PLD5: variants seen among roughly 807,000 people sequenced by gnomAD.
PLD5 encodes the protein inactive phospholipase D5.
Under a neutral mutation model 61.1 loss-of-function variants are expected in PLD5, and 36 were observed. The observed-to-expected ratio is 0.59, with a 90% CI of 0.45 to 0.78. PLD5 has a LOEUF of 0.78. Among genes scored for constraint, PLD5 ranks in the 30% least tolerant of loss-of-function variants. PLD5 has a pLI of 0.00. For synonymous variants in PLD5, 243 were observed against 242.8 expected, an observed-to-expected ratio of 1.00 and a Z score of -0.01; for missense variants, 515 against 644.4, an observed-to-expected ratio of 0.80 and a Z score of 2.17.
intron 5 of PLD5, among the ~76,000 whole-genome samples, chr1:242,183,586 G>A (rs1169612286): frequency 6.6e-6 from 1 of 152,094 alleles, no homozygotes; most frequent in African/African-American, 2.4e-5. Flanking sequence ...ATTGTTTCAT[G>A]ACATCCCTAA....
intron 2 of PLD5, among the ~76,000 whole-genome samples, chr1:242,307,252 G>A (rs1219821799): frequency 6.6e-6 from 1 of 152,030 alleles, no homozygotes; most frequent in Non-Finnish European, 1.5e-5. Context: ...TGAAATCAAG[G>A]GATGGTCAAA....
At chr1:242,145,910 A>C (rs1664512909) in intron 5 of PLD5, among the ~76,000 whole-genome samples, 1 of 152,238 alleles carries the variant, frequency 6.6e-6, no homozygotes, top group African/African-American at 2.4e-5. Flanking sequence ...TCCTGGCCTC[A>C]AGTGATCCAC....
At chr1:242,421,617 C>A (rs923646409) in intron 1 of PLD5, among the ~76,000 whole-genome samples, 1 of 152,146 alleles carries the variant, frequency 6.6e-6, no homozygotes, top group Non-Finnish European at 1.5e-5. Context: ...CCCTGGAATC[C>A]TATATCAACG....
At chr1:242,299,686 T>C (rs1467803768) in intron 2 of PLD5, among the ~76,000 whole-genome samples, 3 of 152,228 alleles carry the variant, frequency 2.0e-5, no homozygotes, top group African/African-American at 7.2e-5. Context: ...GCTAGCAGAG[T>C]TGCTTTCTGT....
chr1:242,199,997 G>T (rs1421899114), intron 5 of PLD5, among the ~76,000 whole-genome samples: 1 of 152,096 alleles, frequency 6.6e-6, no homozygotes, highest in Admixed American at 6.5e-5. Flanking sequence ...GATGCAAATT[G>T]CCCAGAGCTA....
At chr1:242,406,596 T>C (rs1023838015) in intron 1 of PLD5, among the ~76,000 whole-genome samples, 1 of 152,222 alleles carries the variant, frequency 6.6e-6, no homozygotes, top group Non-Finnish European at 1.5e-5. Context: ...ATAAACAAGC[T>C]AGGAAAACCT....
intron 5 of PLD5, among the ~76,000 whole-genome samples, chr1:242,150,518 G>C (rs1160746060): frequency 6.6e-6 from 1 of 151,584 alleles, no homozygotes; most frequent in Non-Finnish European, 1.5e-5. Flanking sequence ...GGATTATTAT[G>C]GATTCTTGGA....
chr1:242,138,306 T>C (rs1368854629), intron 5 of PLD5, among the ~76,000 whole-genome samples: 2 of 151,904 alleles, frequency 1.3e-5, no homozygotes, highest in Non-Finnish European at 2.9e-5. Flanking sequence ...GTGATGGCAG[T>C]TGGGAAAGGA....
At chr1:242,524,926 A>T (rs1410193125), upstream of PLD5, among the ~76,000 whole-genome samples, 1 of 151,888 alleles carries the variant, frequency 6.6e-6, no homozygotes. Flanking sequence ...CCGGCAGGCG[A>T]GGGGAGAAGT....
chr1:242,432,784 A>G lies in PLD5; in HGVS notation c.190-84542T>C, dbSNP rs187069484. ...GTGATGTGGGAAGGCCAAATGGAAA[A>G]CCACAGGGGAAAAGCTACAGGAAGA... On this transcript the variant is annotated intron_variant, in intron 1 of 9. Transcript: ENST00000536534. Among the ~76,000 whole-genome samples, 488 of 152,272 alleles carry G rather than the reference A, an allele frequency of 3.2e-3. 2 individuals are homozygous for G. Among genetic ancestry groups the G allele is most frequent in the African/African-American group, 0.011 (466 of 41,552 alleles).
intron 1 of PLD5, among the ~76,000 whole-genome samples, chr1:242,356,981 G>T (rs906403889): frequency 6.6e-6 from 1 of 151,314 alleles, no homozygotes; most frequent in African/African-American, 2.4e-5. Context: ...CAGTCCTAGG[G>T]TATTCTGAAT....
intron 5 of PLD5, among the ~76,000 whole-genome samples, chr1:242,207,108 A>G (rs1429569703): frequency 6.6e-6 from 1 of 152,216 alleles, no homozygotes; most frequent in Non-Finnish European, 1.5e-5. Flanking sequence ...AGCAGAGCCT[A>G]CTTTACTCAA....
chr1:242,201,777 A>G (rs985680984), intron 5 of PLD5, among the ~76,000 whole-genome samples: 4 of 152,180 alleles, frequency 2.6e-5, no homozygotes, highest in Non-Finnish European at 4.4e-5. Context: ...GAAAACTTCC[A>G]TGGTTTAAAG....
chr1:242,219,682 A>T (rs972743652), intron 5 of PLD5, among the ~76,000 whole-genome samples: 1 of 152,190 alleles, frequency 6.6e-6, no homozygotes, highest in Non-Finnish European at 1.5e-5. Flanking sequence ...AGATGATGTA[A>T]TATCATCCTG....
At chr1:242,159,281 G>T (rs1665641632) in intron 5 of PLD5, among the ~76,000 whole-genome samples, 1 of 152,146 alleles carries the variant, frequency 6.6e-6, no homozygotes, top group African/African-American at 2.4e-5. Flanking sequence ...ATTTGTTGCT[G>T]CTGTGATTAC....
intron 5 of PLD5, among the ~76,000 whole-genome samples, chr1:242,165,653 G>A (rs571645217): frequency 2.0e-5 from 3 of 152,278 alleles, no homozygotes; most frequent in African/African-American, 7.2e-5. Flanking sequence ...ATAATTTTAT[G>A]TTGCCTTGGC....
At position 242,224,428 on chromosome 1, in the gene PLD5, A is replaced by AT. The variant is rs568082794; in HGVS notation, c.608-4314dup. Among the ~76,000 whole-genome samples, 8 of 152,052 alleles carry AT rather than the reference A, an allele frequency of 5.3e-5. No individual in the cohort carries two copies. The East Asian group carries it at 1.4e-3, about 26-fold the overall frequency. ...ATGAGCACTAACAGAAACACTTCAG[A>AT]TTTTTTTTCTATAGTTATTTTTATG... On this transcript the variant is annotated intron_variant, in intron 4 of 9. Transcript: ENST00000536534.
chr1:242,394,478 GTA>G lies in PLD5; in HGVS notation c.190-46238_190-46237del, dbSNP rs1227435226. On this transcript the variant is annotated intron_variant, in intron 1 of 9. Coordinates refer to ENST00000536534, the MANE Select transcript of PLD5 (RefSeq NM_001372062.1). ...AGTATATATGTGAACATATATATGT[GTA>G]TATATGTGAACATATATATGTGTAT... Among the ~76,000 whole-genome samples, 5 of 93,074 alleles carry G rather than the reference GTA, an allele frequency of 5.4e-5. 1 individual carries two copies. The highest frequency in any genetic ancestry group is 1.0e-4 in the Non-Finnish European group (5 of 49,742). 61.1% of individuals were successfully genotyped at this position (93,074 alleles called of 152,430 possible).
At chr1:242,341,113 A>T (rs1172094414) in intron 2 of PLD5, among the ~76,000 whole-genome samples, 1 of 152,064 alleles carries the variant, frequency 6.6e-6, no homozygotes. Context: ...GCTGTTGCCA[A>T]AAAGCAAGGC....
Sources: allele counts gnomAD v4.1 joint callset (sites outside exome capture counted in the v4.1 genomes callset), GRCh38; gene constraint gnomAD v4.1.1; transcripts MANE v1.5; gene names NCBI Gene and HGNC (gene_info 2026-07-23, HGNC 2026-07-21).